The following FLNB variants were observed in gnomAD, a reference collection of about 807,000 sequenced individuals.
FLNB encodes the protein filamin B, also known as filamin-B.
In FLNB, 111 loss-of-function variants were observed where a neutral mutation model predicts 250.6. That is an observed-to-expected ratio of 0.44 (90% CI 0.38 to 0.52). The LOEUF (loss-of-function observed/expected upper bound fraction) is 0.52, where lower values mean the gene tolerates loss of function less well. Among genes scored for constraint, FLNB ranks in the 20% least tolerant of loss-of-function variants. The probability of loss-of-function intolerance (pLI) is 0.00; values close to 1 mark genes in which losing one functional copy is unlikely to be tolerated. For synonymous variants in FLNB, 1,302 were observed against 1,372.1 expected, an observed-to-expected ratio of 0.95 and a Z score of 1.13; for missense variants, 2,869 against 3,447.8, an observed-to-expected ratio of 0.83 and a Z score of 4.20.
At position 58,163,317 on chromosome 3, in the gene FLNB, AG is replaced by A; in HGVS notation, c.7190del (p.Gly2397AlafsTer55). Reference protein sequence around the residue: ...LVSAYGTGLEGGTTGIQSEFF... With the variant: ...LVSAYGTGLEXGTTGIQSEFF... ...TGTCCGCCTATGGCACGGGACTCGA[AG>A]GGGGCACCACAGGTAACCCACTCTT... On this transcript the variant is annotated frameshift_variant, in exon 43 of 46. Transcript: ENST00000295956. LOFTEE classifies it high-confidence loss of function. 6.2e-7 allele frequency: 1 copy of A among 1,614,178 alleles called. No individual in the cohort carries two copies. Among genetic ancestry groups the A allele is most frequent in the Admixed American group, 1.7e-5 (1 of 60,020 alleles).
Position 58,146,002 on chromosome 3 carries a change from C to T in FLNB, c.5507C>T (p.Ala1836Val). ...AYGPGLVYGVANKTATFTIVT... is the reference protein window; with the variant it reads ...AYGPGLVYGVVNKTATFTIVT... The stretch of plus-strand genomic sequence containing the variant: ...GGTCCAGGCCTCGTGTATGGAGTGG[C>T]CAACAAAACTGCCACCTTCACCATC... The change falls in exon 33 of 46, where the codon GCC becomes GTC. Residue 1836 changes from alanine to valine, a missense_variant. By Grantham distance (64) the Ala-to-Val change is moderately conservative. Coordinates refer to ENST00000295956, the MANE Select transcript of FLNB (RefSeq NM_001457.4). 1 of 1,614,182 alleles carries T rather than the reference C, an allele frequency of 6.2e-7. No homozygotes were observed. The highest frequency in any genetic ancestry group is 8.5e-7 in the Non-Finnish European group (1 of 1,180,032).
chr3:58,097,087 T>C (rs2097240192), intron 6 of FLNB, among the ~76,000 whole-genome samples: 1 of 152,142 alleles, frequency 6.6e-6, no homozygotes, highest in African/African-American at 2.4e-5. Flanking sequence ...CACTTTTCAT[T>C]GGAAGAAAGC....
chr3:58,092,307 T>C (rs2097229321), intron 4 of FLNB, among the ~76,000 whole-genome samples: 1 of 152,134 alleles, frequency 6.6e-6, no homozygotes, highest in African/African-American at 2.4e-5. Context: ...GGTGGGAATG[T>C]AAAATGGTGT....
intron 1 of FLNB, among the ~76,000 whole-genome samples, chr3:58,019,117 A>C (rs1467517624): frequency 2.6e-5 from 4 of 152,126 alleles, no homozygotes; most frequent in African/African-American, 9.7e-5. Context: ...AGCCTGGGCG[A>C]CAGAGTGAGA....
At chr3:58,072,742 C>G in intron 1 of FLNB, among the ~76,000 whole-genome samples, 1 of 152,246 alleles carries the variant, frequency 6.6e-6, no homozygotes, top group Middle Eastern at 3.4e-3. Context: ...CCCAATGAGA[C>G]CATAAAGGGG....
At chr3:58,020,805 G>A (rs1473310716) in intron 1 of FLNB, among the ~76,000 whole-genome samples, 1 of 151,950 alleles carries the variant, frequency 6.6e-6, no homozygotes, top group Non-Finnish European at 1.5e-5. Flanking sequence ...TAGGGAAACG[G>A]GTGGGGATTT....
intron 22 of FLNB, 115 bp from the exon 23 acceptor site, chr3:58,125,466 A>G (rs1446566626): frequency 1.6e-6 from 2 of 1,238,042 alleles, no homozygotes; most frequent in East Asian, 2.4e-5. Flanking sequence ...TTTTCCAAAT[A>G]ACATAGTATA....
At chr3:58,076,907 T>C in intron 1 of FLNB, 139 bp from the exon 2 acceptor site, 3 of 1,041,852 alleles carry the variant, frequency 2.9e-6, no homozygotes, top group Non-Finnish European at 4.4e-6. Flanking sequence ...GAAGCAAATT[T>C]CAGCATTACA....
intron 3 of FLNB, among the ~76,000 whole-genome samples, 191 bp from the exon 4 acceptor site, chr3:58,081,438 G>T (rs1370771526): frequency 6.6e-6 from 1 of 152,114 alleles, no homozygotes; most frequent in African/African-American, 2.4e-5. Flanking sequence ...GCTTTCAAAG[G>T]GGTCTGCAAT....
At chr3:58,150,055 C>T (rs770298107) in intron 37 of FLNB, 50 bp from the exon 38 acceptor site, 1 of 1,614,296 alleles carries the variant, frequency 6.2e-7, no homozygotes, top group Non-Finnish European at 8.5e-7. Flanking sequence ...TCTGTAAATG[C>T]TGTGCCTTGG....
intron 39 of FLNB, among the ~76,000 whole-genome samples, chr3:58,154,315 G>A (rs1431301895): frequency 6.6e-6 from 1 of 152,192 alleles, no homozygotes; most frequent in Admixed American, 6.5e-5. Flanking sequence ...GGCCGAGGCA[G>A]GCAGACTGCC....
At chr3:58,154,224 A>G (rs1312911261) in intron 39 of FLNB, among the ~76,000 whole-genome samples, 1 of 152,174 alleles carries the variant, frequency 6.6e-6, no homozygotes, top group Non-Finnish European at 1.5e-5. Flanking sequence ...GATTATAGGC[A>G]TGAGCCACTG....
chr3:58,117,083 C>T (rs760658404), intron 18 of FLNB, among the ~76,000 whole-genome samples: 6 of 152,142 alleles, frequency 3.9e-5, no homozygotes, highest in Non-Finnish European at 7.3e-5. Flanking sequence ...GAATAAGATT[C>T]AGGTTTCAGA....
intron 7 of FLNB, 23 bp downstream of exon 7, chr3:58,098,000 A>T: frequency 1.9e-6 from 3 of 1,613,202 alleles, no homozygotes; most frequent in Non-Finnish European, 2.5e-6. Context: ...TCCTCCATGG[A>T]TCTGACCTTT....
At chr3:58,131,932 G>T in intron 25 of FLNB, 1 of 1,536,674 alleles carries the variant, frequency 6.5e-7, no homozygotes. Context: ...TTTAGCTGAC[G>T]ACACGGATTC....
chr3:58,110,259 T>C (rs1010450144), intron 16 of FLNB, 89 bp downstream of exon 16: 1 of 1,344,620 alleles, frequency 7.4e-7, no homozygotes, highest in Admixed American at 1.7e-5. Flanking sequence ...CTTTTTGGTG[T>C]TTTGTTAGTA....
intron 1 of FLNB, among the ~76,000 whole-genome samples, chr3:58,053,230 T>G (rs1267481959): frequency 6.6e-6 from 1 of 152,174 alleles, no homozygotes; most frequent in Non-Finnish European, 1.5e-5. Context: ...TCTGTTAATT[T>G]CAGAAAGACA....
At position 58,108,507 on chromosome 3, in the gene FLNB, A is replaced by G. The variant is rs2097263389; in HGVS notation, c.1991A>G (p.Asn664Ser). 1 of 1,614,176 alleles carries G rather than the reference A, an allele frequency of 6.2e-7. No homozygotes were observed. Among genetic ancestry groups the G allele is most frequent in the Non-Finnish European group, 8.5e-7 (1 of 1,180,014 alleles). Reference sequence around the variant, plus strand: ...GAGAAATCTGGATGCATTGTCAACAACCTGGCCGAGTTCACTGTGGATCCT... The same window carrying G: ...GAGAAATCTGGATGCATTGTCAACAGCCTGGCCGAGTTCACTGTGGATCCT... ...GLEKSGCIVN[N>S]LAEFTVDPKD... The change falls in exon 13 of 46, where the codon AAC becomes AGC. Residue 664 changes from asparagine to serine, a missense_variant. Asn to Ser is a conservative substitution (Grantham distance 46, BLOSUM62 1). Transcript: ENST00000295956.
At chr3:58,025,602 C>T (rs112484968) in intron 1 of FLNB, among the ~76,000 whole-genome samples, 3,877 of 152,254 alleles carry the variant, frequency 0.025, 151 homozygotes, top group African/African-American at 0.089. Context: ...TGCTTCCCTC[C>T]AGGAGCCTGT....
Sources: allele counts gnomAD v4.1 joint callset (sites outside exome capture counted in the v4.1 genomes callset), GRCh38; gene constraint gnomAD v4.1.1; transcripts MANE v1.5; gene names NCBI Gene and HGNC (gene_info 2026-07-23, HGNC 2026-07-21).